VTI1A: variants seen among roughly 807,000 people sequenced by gnomAD.
The protein encoded by VTI1A is vesicle transport through interaction with t-SNAREs 1A.
Under a neutral mutation model 34.9 loss-of-function variants are expected in VTI1A, and 22 were observed. The ratio of observed to expected loss-of-function variants is 0.63; its 90% CI spans 0.45 to 0.90. VTI1A has a LOEUF of 0.90. Ranked by LOEUF, VTI1A falls within the 40% of genes least tolerant of loss-of-function variation. VTI1A has a pLI of 0.00. For synonymous variants in VTI1A, 87 were observed against 97.3 expected (o/e 0.89, Z 0.62); for missense variants, 268 against 275.6 (o/e 0.97, Z 0.20).
At chr10:112,814,989 A>C (rs1028944737) in intron 7 of VTI1A, among the ~76,000 whole-genome samples, 12 of 151,882 alleles carry the variant, frequency 7.9e-5, no homozygotes, top group Non-Finnish European at 1.5e-4. Flanking sequence ...AAGAGGCTAC[A>C]TGATTTTCTG....
intron 7 of VTI1A, among the ~76,000 whole-genome samples, chr10:112,715,433 G>A (rs560513941): frequency 2.0e-4 from 30 of 152,150 alleles, no homozygotes; most frequent in Non-Finnish European, 4.0e-4. Flanking sequence ...AGTCCTCTTT[G>A]TTAAAACCTT....
chr10:112,815,616 A>G lies in VTI1A; in HGVS notation c.*233A>G, dbSNP rs971076255. 1.8e-6 allele frequency: 1 copy of G among 540,974 alleles called. No individual in the cohort carries two copies. Among genetic ancestry groups the G allele is most frequent in the African/African-American group, 1.9e-5 (1 of 52,892 alleles). The allele number at this position is 540,974 out of a possible 1,614,324, so 33.5% of individuals were successfully genotyped here. ...ACCCAGATTCGTTTTTTAGAGGGGA[A>G]GGTGAATGTTTATTTACCTTTTTGC... On this transcript the variant is annotated 3_prime_UTR_variant, in exon 8 of 8. Transcript: ENST00000393077.
At chr10:112,527,228 G>C in intron 4 of VTI1A, 64 bp downstream of exon 4, 1 of 1,440,002 alleles carries the variant, frequency 6.9e-7, no homozygotes. Context: ...CTGGCGCACT[G>C]GGCTCTCAAG....
chr10:112,506,932 A>AT (rs1356157121), intron 3 of VTI1A, among the ~76,000 whole-genome samples: 3 of 146,220 alleles, frequency 2.1e-5, no homozygotes, highest in Admixed American at 6.8e-5. Context: ...TTAAAGCTGT[A>AT]TTTTTTTGGT....
intron 5 of VTI1A, among the ~76,000 whole-genome samples, chr10:112,585,065 CT>C (rs1241138001): frequency 2.0e-5 from 3 of 152,168 alleles, no homozygotes; most frequent in African/African-American, 7.2e-5. Flanking sequence ...AAACTAGCTT[CT>C]TTAATTGAGG....
chr10:112,776,710 G>C (rs976669701), intron 7 of VTI1A, among the ~76,000 whole-genome samples: 6 of 115,882 alleles, frequency 5.2e-5, no homozygotes, highest in Non-Finnish European at 1.0e-4. Context: ...ACGGAGTCTT[G>C]TTCTGTCGCC....
intron 5 of VTI1A, among the ~76,000 whole-genome samples, chr10:112,618,520 T>G (rs3981354): frequency 0.59 from 26,951 of 45,428 alleles, 7,081 homozygotes; most frequent in Non-Finnish European, 0.62. Context: ...TATATATATA[T>G]ATATAGAGAG....
At chr10:112,831,523 A>G in the VTI1A span, 1 of 152,194 alleles carries the variant, frequency 6.6e-6, no homozygotes, top group South Asian at 2.1e-4. Context: ...CTATTTTAAG[A>G]GGGAGCTGAG....
intron 7 of VTI1A, among the ~76,000 whole-genome samples, chr10:112,691,262 AAAATAAATAAATAAATAAAT>A (rs67534865): frequency 1.1e-4 from 15 of 140,204 alleles, no homozygotes; most frequent in Non-Finnish European, 1.7e-4. Flanking sequence ...CTCTGCCTCA[AAAATAAATAAATAAATAAAT>A]AAATAAATAA....
intron 3 of VTI1A, among the ~76,000 whole-genome samples, chr10:112,489,664 T>C (rs936696791): frequency 6.6e-6 from 1 of 152,198 alleles, no homozygotes; most frequent in African/African-American, 2.4e-5. Flanking sequence ...TGGATGCTTA[T>C]AAGTGCAGGA....
chr10:112,799,676 AC>A (rs1454726831), intron 7 of VTI1A, among the ~76,000 whole-genome samples: 5 of 151,498 alleles, frequency 3.3e-5, no homozygotes, highest in Non-Finnish European at 5.9e-5. Context: ...TCGTTACCCC[AC>A]CCCACCCTCC....
At chr10:112,781,119 T>C (rs1258016194) in intron 7 of VTI1A, among the ~76,000 whole-genome samples, 3 of 152,038 alleles carry the variant, frequency 2.0e-5, no homozygotes, top group Non-Finnish European at 2.9e-5. Flanking sequence ...TAATTTTTTG[T>C]AGTTTAGTAG....
At chr10:112,826,260 G>A in the VTI1A span, 1 of 152,180 alleles carries the variant, frequency 6.6e-6, no homozygotes, top group Non-Finnish European at 1.5e-5. Flanking sequence ...AAACCAGTGT[G>A]TGGTGCCAGC....
chr10:112,765,158 T>C (rs1445092108), intron 7 of VTI1A, among the ~76,000 whole-genome samples: 1 of 152,240 alleles, frequency 6.6e-6, no homozygotes, highest in African/African-American at 2.4e-5. Context: ...TAAAATACCA[T>C]TTCAATTTCT....
intron 1 of VTI1A, among the ~76,000 whole-genome samples, chr10:112,451,509 T>G (rs941631176): frequency 7.2e-5 from 11 of 152,200 alleles, no homozygotes; most frequent in African/African-American, 2.4e-4. Context: ...ATGAACACAT[T>G]TGAAAGGAGG....
chr10:112,772,291 C>A (rs542300440), intron 7 of VTI1A, among the ~76,000 whole-genome samples: 2 of 152,340 alleles, frequency 1.3e-5, no homozygotes, highest in East Asian at 3.9e-4. Flanking sequence ...ATTTGCATTT[C>A]ACGAGTCCTA....
At chr10:112,448,698 T>G (rs1461540002) in intron 1 of VTI1A, among the ~76,000 whole-genome samples, 1 of 152,232 alleles carries the variant, frequency 6.6e-6, no homozygotes, top group Non-Finnish European at 1.5e-5. Flanking sequence ...ATGTGCTCAT[T>G]AATCTGCGGA....
intron 1 of VTI1A, chr10:112,448,891 C>T (rs1426604361): frequency 6.6e-6 from 1 of 152,122 alleles, no homozygotes; most frequent in Non-Finnish European, 1.5e-5. Context: ...GGGATATTTG[C>T]TTGAAGCCAG....
intron 3 of VTI1A, among the ~76,000 whole-genome samples, chr10:112,479,196 T>A (rs1209390788): frequency 2.6e-5 from 4 of 151,982 alleles, no homozygotes; most frequent in African/African-American, 9.7e-5. Context: ...AAAAAGCCAC[T>A]TTCTTTACTA....
Sources: allele counts gnomAD v4.1 joint callset (sites outside exome capture counted in the v4.1 genomes callset), GRCh38; gene constraint gnomAD v4.1.1; transcripts MANE v1.5; gene names NCBI Gene and HGNC (gene_info 2026-07-23, HGNC 2026-07-21).